Variants in ARMC6 observed in about 807,000 individuals in gnomAD.
ARMC6 encodes armadillo repeat-containing protein 6.
ARMC6 carries 43 observed loss-of-function variants against 49.2 expected under a neutral mutation model. The ratio of observed to expected loss-of-function variants is 0.87; its 90% CI spans 0.69 to 1.13. The LOEUF is 1.13. ARMC6 is among the 50% of genes most tolerant of loss of function. The pLI is 0.00. For missense variants in ARMC6, 627 were observed against 682.0 expected, an observed-to-expected ratio of 0.92 and a Z score of 0.90; for synonymous variants, 262 against 289.6, an observed-to-expected ratio of 0.90 and a Z score of 0.97.
At chr19:19,038,434 A>G (rs1404463290) in intron 2 of ARMC6, among the ~76,000 whole-genome samples, 5 of 152,136 alleles carry the variant, frequency 3.3e-5, no homozygotes, top group African/African-American at 1.2e-4. Context: ...TGGTGTTTTT[A>G]CCAAGAGTTT....
Position 19,036,784 on chromosome 19 carries a change from T to C in ARMC6, c.29+2546T>C, listed in dbSNP as rs184921989. 1.3e-3 allele frequency among the ~76,000 whole-genome samples: 201 copies of C among 152,380 alleles called. 1 individual carries two copies. Among genetic ancestry groups the C allele is most frequent in the Non-Finnish European group, 2.0e-3 (133 of 68,026 alleles). On this transcript the variant is annotated intron_variant, in intron 2 of 8. Coordinates refer to ENST00000535612, the MANE Select transcript of ARMC6 (RefSeq NM_001199196.2). ...GAACAAATAGCTAATTTATTGAGCC[T>C]GTCCATATCCTGTTCTGAGGAAGGT...
intron 2 of ARMC6, among the ~76,000 whole-genome samples, chr19:19,040,174 T>G (rs1363107125): frequency 6.6e-6 from 1 of 152,084 alleles, no homozygotes; most frequent in East Asian, 1.9e-4. Context: ...CACAGGTGCA[T>G]TTTGTTCTTG....
At position 19,055,948 on chromosome 19, in the gene ARMC6, G is replaced by C; in HGVS notation, c.1293+20G>C. ...GTGCAGGTGGGCAGGGCAGGGGATG[G>C]GGGCAGGCAGGCTGGTGTGGGATGT... On this transcript the variant is annotated intron_variant, in intron 8 of 8. Transcript: ENST00000535612. The surrounding 1 kb of genome is among the most constrained non-coding windows in gnomAD (Gnocchi z 5.7). 6.3e-7 allele frequency: 1 copy of C among 1,599,482 alleles called. No individual in the cohort carries two copies. Among genetic ancestry groups the C allele is most frequent in the Non-Finnish European group, 8.5e-7 (1 of 1,176,384 alleles).
rs755918247 is a variant in ARMC6, at chr19:19,057,777, G to A, written c.*149G>A. 6 of 867,388 alleles carry A rather than the reference G, an allele frequency of 6.9e-6. No homozygotes were observed. Among genetic ancestry groups the A allele is most frequent in the South Asian group, 4.0e-5 (3 of 75,884 alleles). 53.7% of individuals were successfully genotyped at this position (867,388 alleles called of 1,614,324 possible). A position where few individuals can be genotyped will look rare whatever the true frequency, so the allele number is the denominator to read the frequency against. ...AGGCCCTAGGTAAAGGGTCGGGGGA[G>A]GGGGGAGCCTTGTAGGGAGGCCTCT... On this transcript the variant is annotated 3_prime_UTR_variant, in exon 9 of 9. Transcript: ENST00000535612.
chr19:19,047,287 C>G (rs927339863), intron 4 of ARMC6, among the ~76,000 whole-genome samples: 1 of 152,124 alleles, frequency 6.6e-6, no homozygotes. Flanking sequence ...GAACCAACCC[C>G]CTTCTCAAAT....
rs1298091443 is a variant in ARMC6, at chr19:19,055,834, G to A, written c.1199G>A (p.Arg400His). 28 of 1,610,562 alleles carry A rather than the reference G, an allele frequency of 1.7e-5. No homozygotes were observed. The highest frequency in any genetic ancestry group is 5.0e-5 in the Admixed American group (3 of 59,864). ...GCGGCCCTGTGCTTCCTGGCCCTGC[G>A]TAAGCCCGACAACAGCCGCATCATC... ...SCAALCFLAL[R>H]KPDNSRIIVE... The change falls in exon 8 of 9, where the codon CGT becomes CAT. Residue 400 changes from arginine (R) to histidine (H), a missense_variant. Physicochemically the swap from Arg to His is conservative, Grantham distance 29 (BLOSUM62 0). Coordinates refer to ENST00000535612, the MANE Select transcript of ARMC6 (RefSeq NM_001199196.2). This position sits in a 1 kb window ranked among gnomAD's most constrained non-coding sequence, Gnocchi z 5.7.
intron 2 of ARMC6, among the ~76,000 whole-genome samples, chr19:19,041,615 T>C: frequency 6.6e-6 from 1 of 152,212 alleles, no homozygotes; most frequent in Non-Finnish European, 1.5e-5. Context: ...TCCCAAAGTG[T>C]TGGGATTACA....
intron 2 of ARMC6, among the ~76,000 whole-genome samples, chr19:19,041,211 TC>T (rs2059409288): frequency 6.6e-6 from 1 of 152,220 alleles, no homozygotes; most frequent in Non-Finnish European, 1.5e-5. Flanking sequence ...CTGTCATTTC[TC>T]CTAGGCATTT....
chr19:19,042,136 A>G (rs1035149502), intron 2 of ARMC6, among the ~76,000 whole-genome samples: 5 of 152,164 alleles, frequency 3.3e-5, no homozygotes, highest in South Asian at 2.1e-4. Flanking sequence ...GGCTCAAGCA[A>G]TCCTCCTGCC....
intron 6 of ARMC6, among the ~76,000 whole-genome samples, chr19:19,054,890 G>C (rs1264557122): frequency 6.6e-6 from 1 of 152,172 alleles, no homozygotes; most frequent in Non-Finnish European, 1.5e-5. Context: ...TGGGCAGTTG[G>C]GGGCAGGGTC....
At chr19:19,049,414 G>T (rs936599864) in intron 4 of ARMC6, among the ~76,000 whole-genome samples, 2 of 152,104 alleles carry the variant, frequency 1.3e-5, no homozygotes, top group Admixed American at 6.6e-5. Context: ...TGAAATCTTG[G>T]TAGTTCTAAC....
rs183418243 is a variant in ARMC6, at chr19:19,051,585, C to A, written c.280-37C>A. Reference sequence around the variant, plus strand: ...TTGCTGTGGCCATGGGTTCCTCTTGCCTGAGCTGATGCTGAGGTTTCTCCC... The same window carrying A: ...TTGCTGTGGCCATGGGTTCCTCTTGACTGAGCTGATGCTGAGGTTTCTCCC... On this transcript the variant is annotated intron_variant, in intron 4 of 8. Coordinates refer to ENST00000535612, the MANE Select transcript of ARMC6 (RefSeq NM_001199196.2). The A allele has an allele frequency of 1.5e-3, 2,255 of 1,544,696 alleles. 2 individuals carry two copies. The highest frequency in any genetic ancestry group is 1.8e-3 in the Non-Finnish European group (2,096 of 1,141,140).
intron 2 of ARMC6, among the ~76,000 whole-genome samples, chr19:19,038,736 T>G (rs1269885560): frequency 6.6e-6 from 1 of 151,830 alleles, no homozygotes; most frequent in Non-Finnish European, 1.5e-5. Context: ...CCACTAATTT[T>G]TGTATATTTA....
intron 2 of ARMC6, among the ~76,000 whole-genome samples, chr19:19,037,961 C>G (rs1167601440): frequency 6.6e-6 from 1 of 152,148 alleles, no homozygotes; most frequent in Non-Finnish European, 1.5e-5. Context: ...GTAGGGTGAG[C>G]GAGTGAAGCT....
intron 5 of ARMC6, among the ~76,000 whole-genome samples, chr19:19,053,178 G>A (rs1204392364): frequency 6.6e-6 from 1 of 152,168 alleles, no homozygotes; most frequent in Non-Finnish European, 1.5e-5. Flanking sequence ...CATTGTTCAA[G>A]GTCATCTCCT....
At chr19:19,054,096 A>G in intron 5 of ARMC6, 56 bp from the exon 6 acceptor site, 1 of 1,450,722 alleles carries the variant, frequency 6.9e-7, no homozygotes. Context: ...ACCAAAACAG[A>G]GGGCCCTGCG....
At chr19:19,051,359 ATCTC>A (rs373829349) in intron 4 of ARMC6, among the ~76,000 whole-genome samples, 23 of 132,404 alleles carry the variant, frequency 1.7e-4, no homozygotes, top group African/African-American at 4.0e-4. Context: ...AGTTGTCTGG[ATCTC>A]TCTCTCTCTC....
chr19:19,054,271 C>G lies in ARMC6; in HGVS notation c.973C>G (p.Leu325Val), dbSNP rs768216994. Residue 325 changes from leucine (L) to valine (V), a missense_variant, in exon 6 of 9, where the codon CTG (leucine) becomes GTG (valine). Physicochemically the swap from Leu to Val is conservative, Grantham distance 32. Transcript: ENST00000535612. Reference protein sequence around the residue: ...DLGGLSILVSLLADCNDHQMR... With the variant: ...DLGGLSILVSVLADCNDHQMR... ...CGGGGGCCTGAGCATTCTGGTGTCC[C>G]TGCTAGCCGACTGCAATGACCACCA... is the stretch of plus-strand genomic sequence containing the variant. 8.1e-6 allele frequency: 13 copies of G among 1,609,942 alleles called. No homozygotes were observed. The African/African-American group carries it at 1.7e-4, about 22-fold the overall frequency.
rs768323739 is a variant in ARMC6, at chr19:19,051,627, C to T, written c.285C>T (p.Leu95=). Residue 95 remains leucine, a synonymous_variant, in exon 5 of 9, where the codon CTC becomes CTT. Transcript: ENST00000535612. The stretch of plus-strand genomic sequence containing the variant: ...GTTTCTCCCATGTCTCCCAGATGCT[C>T]AGTGACCTCCAGGAGTCTGTGGCCA... ...QEPTHDILQM[L]SDLQESVASS... 11 of 1,590,824 alleles carry T rather than the reference C, an allele frequency of 6.9e-6. No individual in the cohort carries two copies. In the East Asian group the frequency reaches 1.8e-4, roughly 26 times the overall value.
Sources: gnomAD v4.1 joint callset for allele counts (sites outside exome capture counted in the v4.1 genomes callset) on GRCh38, gnomAD v4.1.1 for gene constraint, Gnocchi (gnomAD v3.1) non-coding constraint, MANE v1.5 for transcripts, NCBI Gene and HGNC (gene_info 2026-07-23, HGNC 2026-07-21) for gene names.